LRRC20: variants seen among roughly 807,000 people sequenced by gnomAD.
LRRC20 encodes the protein leucine-rich repeat-containing protein 20.
Under a neutral mutation model 14.4 loss-of-function variants are expected in LRRC20, and 11 were observed. That is an observed-to-expected ratio of 0.77 (90% confidence interval 0.48 to 1.27). The LOEUF (loss-of-function observed/expected upper bound fraction) is 1.27, where lower values mean the gene tolerates loss of function less well. Ranked by LOEUF, LRRC20 falls within the 50% of genes most tolerant of loss-of-function variation. The probability of loss-of-function intolerance (pLI) is 0.00; values close to 1 mark genes in which losing one functional copy is unlikely to be tolerated. For synonymous variants in LRRC20, 121 were observed against 107.3 expected (o/e 1.13, Z -0.79); for missense variants, 219 against 251.2 (o/e 0.87, Z 0.87).
intron 4 of LRRC20, among the ~76,000 whole-genome samples, chr10:70,322,956 C>T (rs963167601): frequency 6.6e-6 from 1 of 151,744 alleles, no homozygotes; most frequent in Non-Finnish European, 1.5e-5. Context: ...ACTGCTAGGA[C>T]TCATCTGATG....
At chr10:70,341,842 G>A (rs1842926453) in intron 2 of LRRC20, among the ~76,000 whole-genome samples, 1 of 152,178 alleles carries the variant, frequency 6.6e-6, no homozygotes, top group Non-Finnish European at 1.5e-5. Flanking sequence ...GCTGAACCCT[G>A]AAAATGTGAT....
intron 2 of LRRC20, among the ~76,000 whole-genome samples, chr10:70,373,879 T>G (rs975236708): frequency 6.6e-6 from 1 of 152,130 alleles, no homozygotes. Flanking sequence ...GGTTCCTTGG[T>G]GGGTATGGCT....
intron 1 of LRRC20, chr10:70,381,364 G>C (rs1398992474): frequency 6.6e-6 from 1 of 152,204 alleles, no homozygotes; most frequent in Non-Finnish European, 1.5e-5. Context: ...GTCCTGCTTT[G>C]GGGGAGCTGG....
intron 4 of LRRC20, among the ~76,000 whole-genome samples, chr10:70,302,719 T>C (rs1357223893): frequency 6.6e-6 from 1 of 151,682 alleles, no homozygotes; most frequent in Non-Finnish European, 1.5e-5. Context: ...ATTTCTTTTT[T>C]TTTTTTTTTG....
At chr10:70,372,596 C>G (rs1029487599) in intron 2 of LRRC20, among the ~76,000 whole-genome samples, 8 of 151,928 alleles carry the variant, frequency 5.3e-5, no homozygotes, top group Non-Finnish European at 7.4e-5. Flanking sequence ...TGCCCGCCAC[C>G]ACGCCCGGCT....
intron 1 of LRRC20, among the ~76,000 whole-genome samples, chr10:70,377,057 G>A (rs150537114): frequency 1.3e-5 from 2 of 152,186 alleles, no homozygotes; most frequent in Non-Finnish European, 2.9e-5. Flanking sequence ...CAGCTCCCCT[G>A]TTCACCCCAC....
intron 3 of LRRC20, among the ~76,000 whole-genome samples, chr10:70,331,351 G>A (rs1031103780): frequency 3.3e-5 from 5 of 152,226 alleles, no homozygotes; most frequent in African/African-American, 1.2e-4. Flanking sequence ...AAGGCCAACT[G>A]GGGCCAGCAA....
At chr10:70,340,381 G>A (rs1000567920) in intron 3 of LRRC20, among the ~76,000 whole-genome samples, 172 bp downstream of exon 3, 1 of 152,210 alleles carries the variant, frequency 6.6e-6, no homozygotes, top group African/African-American at 2.4e-5. Context: ...GTGACCTAGA[G>A]AGTTCCAAGC....
intron 1 of LRRC20, among the ~76,000 whole-genome samples, chr10:70,379,674 C>T (rs1163294614): frequency 6.6e-6 from 1 of 152,158 alleles, no homozygotes; most frequent in Non-Finnish European, 1.5e-5. Flanking sequence ...GGAAGGGAAG[C>T]CACCAAGCTG....
intron 2 of LRRC20, among the ~76,000 whole-genome samples, chr10:70,355,173 T>C (rs1215522586): frequency 6.6e-6 from 1 of 152,106 alleles, no homozygotes; most frequent in African/African-American, 2.4e-5. Context: ...AAACAACTGC[T>C]CATCAAGGGA....
intron 3 of LRRC20, among the ~76,000 whole-genome samples, chr10:70,334,769 A>G (rs1842661604): frequency 6.6e-6 from 1 of 152,088 alleles, no homozygotes; most frequent in Non-Finnish European, 1.5e-5. Context: ...CCACTCCCCA[A>G]AGTGTGCAGA....
At chr10:70,373,341 A>C (rs1844384214) in intron 2 of LRRC20, among the ~76,000 whole-genome samples, 2 of 152,212 alleles carry the variant, frequency 1.3e-5, no homozygotes, top group African/African-American at 4.8e-5. Context: ...GACACACCTT[A>C]GCATGGAGCC....
chr10:70,312,485 A>C (rs567015130), intron 4 of LRRC20, among the ~76,000 whole-genome samples: 1 of 152,292 alleles, frequency 6.6e-6, no homozygotes, highest in East Asian at 1.9e-4. Context: ...GCATCCTGGC[A>C]GAGGTGGGGC....
At chr10:70,321,234 G>C (rs553718786) in intron 4 of LRRC20, among the ~76,000 whole-genome samples, 1 of 152,314 alleles carries the variant, frequency 6.6e-6, no homozygotes, top group South Asian at 2.1e-4. Context: ...AATTATCCCA[G>C]TGAGGTGCTG....
chr10:70,381,826 T>G (rs1175304185), intron 1 of LRRC20: 1 of 152,382 alleles, frequency 6.6e-6, no homozygotes, highest in Non-Finnish European at 1.5e-5. Context: ...GAGCGGGACC[T>G]GCTGGCGCCT....
chr10:70,352,721 GCTTGTGAAC>G (rs1260615292), intron 2 of LRRC20, among the ~76,000 whole-genome samples: 1 of 152,082 alleles, frequency 6.6e-6, no homozygotes, highest in Admixed American at 6.6e-5. Context: ...TCTTAATTTT[GCTTGTGAAC>G]CTTGTGAACC....
At chr10:70,310,694 C>T (rs938204754) in intron 4 of LRRC20, among the ~76,000 whole-genome samples, 8 of 152,188 alleles carry the variant, frequency 5.3e-5, no homozygotes, top group Admixed American at 2.0e-4. Context: ...CAGGCTGAGA[C>T]CACCCTGAGC....
chr10:70,373,116 A>C lies in LRRC20; in HGVS notation c.82+3336T>G, dbSNP rs1844372176. Among the ~76,000 whole-genome samples the C allele has an allele frequency of 8.5e-5, 13 of 152,360 alleles. No homozygotes were observed. In the South Asian group the frequency reaches 2.7e-3, roughly 32 times the overall value. On this transcript the variant is annotated intron_variant, in intron 2 of 4. Transcript: ENST00000446961. The stretch of plus-strand genomic sequence containing the variant: ...AGCAAGATGACTCCATCTCAAAAAA[A>C]AAAAGCATTGTATAGCTGTAACCAA...
chr10:70,352,802 G>C (rs1843362009), intron 2 of LRRC20, among the ~76,000 whole-genome samples: 1 of 152,038 alleles, frequency 6.6e-6, no homozygotes, highest in Admixed American at 6.5e-5. Context: ...ATTTTTAAAT[G>C]TACAGTTCAG....
Sources: allele counts gnomAD v4.1 joint callset (sites outside exome capture counted in the v4.1 genomes callset), GRCh38; gene constraint gnomAD v4.1.1; transcripts MANE v1.5; gene names NCBI Gene and HGNC (gene_info 2026-07-23, HGNC 2026-07-21).